Variants in NEURL1 observed in about 807,000 individuals in gnomAD.
NEURL1 encodes the protein E3 ubiquitin-protein ligase NEURL1.
A neutral mutation model predicts 41.2 loss-of-function variants in NEURL1; 26 were observed. That is an observed-to-expected ratio of 0.63 (90% CI 0.46 to 0.87). NEURL1 has a LOEUF of 0.87. Among genes scored for constraint, NEURL1 ranks in the 40% least tolerant of loss-of-function variants. The pLI, the probability that NEURL1 is intolerant of heterozygous loss-of-function variation, is 0.00. For missense variants in NEURL1, 761 were observed against 871.1 expected (o/e 0.87, Z 1.59); for synonymous variants, 400 against 402.3 (o/e 0.99, Z 0.07).
At chr10:103,538,177 C>A (rs2034736629) in intron 1 of NEURL1, among the ~76,000 whole-genome samples, 1 of 152,044 alleles carries the variant, frequency 6.6e-6, no homozygotes, top group South Asian at 2.1e-4. Context: ...TCACTGCAAC[C>A]TCCACCTCCT....
At chr10:103,585,632 A>G (rs2035905306) in intron 4 of NEURL1, among the ~76,000 whole-genome samples, 2 of 152,132 alleles carry the variant, frequency 1.3e-5, no homozygotes, top group South Asian at 2.1e-4. Context: ...CAGGAGATCA[A>G]GACCATCCTG....
intron 1 of NEURL1, among the ~76,000 whole-genome samples, chr10:103,559,874 A>G (rs1193968427): frequency 2.6e-5 from 4 of 151,952 alleles, no homozygotes; most frequent in Non-Finnish European, 5.9e-5. Flanking sequence ...ATGTACACAT[A>G]CGCACACACA....
rs534624985 is a variant in NEURL1 at position 103,566,330 on chromosome 10, C to T, written c.86-4542C>T. ...AGGCTAAGATATGGAACATTTCTAT[C>T]GCCATAAAAACTTCCTTCCTGCCTC... On this transcript the variant is annotated intron_variant, in intron 1 of 5. Transcript: ENST00000369780. The surrounding 1 kb of genome is among the most constrained non-coding windows in gnomAD (Gnocchi z 4.2). Among the ~76,000 whole-genome samples the T allele has an allele frequency of 1.5e-4, 23 of 152,228 alleles. No homozygotes were observed. In the South Asian group the frequency reaches 4.6e-3, roughly 30 times the overall value.
chr10:103,574,180 C>T (rs1234446535), intron 3 of NEURL1, among the ~76,000 whole-genome samples: 1 of 152,180 alleles, frequency 6.6e-6, no homozygotes, highest in East Asian at 1.9e-4. Context: ...AAGGGCAACC[C>T]AGCCCTGCCC....
chr10:103,500,305 CA>C (rs2033794297), intron 1 of NEURL1, among the ~76,000 whole-genome samples: 1 of 152,232 alleles, frequency 6.6e-6, no homozygotes, highest in African/African-American at 2.4e-5. Context: ...ACCCTCCCAA[CA>C]ACCTACAGAA....
At chr10:103,538,627 CT>C (rs1288209307) in intron 1 of NEURL1, among the ~76,000 whole-genome samples, 2 of 150,510 alleles carry the variant, frequency 1.3e-5, no homozygotes, top group Non-Finnish European at 3.0e-5. Flanking sequence ...AGCATTTTTT[CT>C]TTTTTGTTTA....
intron 1 of NEURL1, among the ~76,000 whole-genome samples, chr10:103,519,886 G>T (rs2034306574): frequency 6.6e-6 from 1 of 151,702 alleles, no homozygotes; most frequent in Non-Finnish European, 1.5e-5. Flanking sequence ...CGGGGCTCAA[G>T]CAATTCTCCC....
intron 1 of NEURL1, among the ~76,000 whole-genome samples, chr10:103,548,331 C>CT (rs57933825): frequency 0.17 from 25,369 of 151,644 alleles, 2,310 homozygotes; most frequent in South Asian, 0.31. Flanking sequence ...ATGTATTTTT[C>CT]TTTTTTTTTG....
chr10:103,500,213 T>G (rs1193704131), intron 1 of NEURL1, among the ~76,000 whole-genome samples: 2 of 152,230 alleles, frequency 1.3e-5, no homozygotes, highest in African/African-American at 4.8e-5. Context: ...ATGTTAATTA[T>G]CATAATAATA....
intron 1 of NEURL1, chr10:103,550,756 A>G (rs2035016791): frequency 1.3e-5 from 2 of 152,178 alleles, no homozygotes; most frequent in Non-Finnish European, 2.9e-5. Context: ...CCTTTCCTGG[A>G]TGGAGCATGA....
intron 1 of NEURL1, among the ~76,000 whole-genome samples, chr10:103,522,739 C>G (rs1217356526): frequency 6.6e-6 from 1 of 151,772 alleles, no homozygotes; most frequent in Non-Finnish European, 1.5e-5. Flanking sequence ...CACCAAAACA[C>G]ACGAATTTGC....
intron 1 of NEURL1, among the ~76,000 whole-genome samples, chr10:103,553,470 G>T (rs1387724252): frequency 1.3e-5 from 2 of 152,162 alleles, no homozygotes; most frequent in Non-Finnish European, 1.5e-5. Context: ...GGGCTGCCTT[G>T]TGCGGACTCG....
chr10:103,559,875 C>T (rs1002570522), intron 1 of NEURL1, among the ~76,000 whole-genome samples: 8 of 152,022 alleles, frequency 5.3e-5, no homozygotes, highest in African/African-American at 9.6e-5. Context: ...TGTACACATA[C>T]GCACACACAT....
At chr10:103,564,080 G>A (rs955271631) in intron 1 of NEURL1, among the ~76,000 whole-genome samples, 4 of 152,198 alleles carry the variant, frequency 2.6e-5, no homozygotes, top group African/African-American at 9.6e-5. Flanking sequence ...TTCTGGGGCA[G>A]AGCTTGGTGG....
At chr10:103,516,474 C>T (rs560875759) in intron 1 of NEURL1, among the ~76,000 whole-genome samples, 30 of 151,664 alleles carry the variant, frequency 2.0e-4, no homozygotes, top group African/African-American at 3.9e-4. Context: ...CTGGGGGAGA[C>T]GCTGGGTTGG....
At chr10:103,503,449 A>G (rs964359985) in intron 1 of NEURL1, among the ~76,000 whole-genome samples, 2 of 152,132 alleles carry the variant, frequency 1.3e-5, no homozygotes, top group African/African-American at 4.8e-5. Flanking sequence ...TGACAGTTCC[A>G]AGGGGAGGTG....
chr10:103,506,999 A>G (rs2033963391), intron 1 of NEURL1, among the ~76,000 whole-genome samples: 1 of 152,188 alleles, frequency 6.6e-6, no homozygotes, highest in South Asian at 2.1e-4. Context: ...TCCTGGTGGA[A>G]GGGCTGGTGG....
At chr10:103,534,180 A>ATTTTTTTTTT (rs35899711) in intron 1 of NEURL1, among the ~76,000 whole-genome samples, 2 of 138,656 alleles carry the variant, frequency 1.4e-5, no homozygotes, top group Non-Finnish European at 1.5e-5. Context: ...GTCTATCTGT[A>ATTTTTTTTTT]TTTTTTTTTT....
intron 1 of NEURL1, among the ~76,000 whole-genome samples, chr10:103,520,718 G>A (rs1217128301): frequency 6.6e-6 from 1 of 152,088 alleles, no homozygotes; most frequent in Non-Finnish European, 1.5e-5. Flanking sequence ...ATTTTGGGGG[G>A]TGGTATGGAG....
Sources: gnomAD v4.1 joint callset for allele counts (sites outside exome capture counted in the v4.1 genomes callset) on GRCh38, gnomAD v4.1.1 for gene constraint, Gnocchi (gnomAD v3.1) non-coding constraint, MANE v1.5 for transcripts, NCBI Gene and HGNC (gene_info 2026-07-23, HGNC 2026-07-21) for gene names.